MYH10: variants seen among roughly 807,000 people sequenced by gnomAD.
MYH10 encodes the protein myosin-10.
MYH10 carries 55 observed loss-of-function variants against 257.8 expected under a neutral mutation model. The observed-to-expected ratio is 0.21, with a 90% CI of 0.17 to 0.27. The LOEUF is 0.27. MYH10 is among the 10% of genes least tolerant of loss of function. The pLI, the probability that MYH10 is intolerant of heterozygous loss-of-function variation, is 1.00. For missense variants in MYH10, 1,631 were observed against 2,500.6 expected (o/e 0.65, Z 7.42); for synonymous variants, 854 against 921.7 (o/e 0.93, Z 1.33).
chr17:8,624,916 G>C (rs911963810), intron 1 of MYH10, among the ~76,000 whole-genome samples: 5 of 152,174 alleles, frequency 3.3e-5, no homozygotes, highest in African/African-American at 1.2e-4. Context: ...TTAGCCAGGC[G>C]TGTTGGTGCA....
At position 8,535,544 on chromosome 17, in the gene MYH10, A is replaced by G. The variant is rs754726133; in HGVS notation, c.1780-43T>C. ...CAAAAGTGGTGAAATGGAGAACACAAAACCAAATGCAAAAACAAAAACACT... is the reference window on the plus strand; with the variant it reads ...CAAAAGTGGTGAAATGGAGAACACAGAACCAAATGCAAAAACAAAAACACT... On this transcript the variant is annotated intron_variant, in intron 15 of 42. Coordinates refer to ENST00000360416, the MANE Select transcript of MYH10 (RefSeq NM_001256012.3). This position sits in a 1 kb window ranked among gnomAD's most constrained non-coding sequence, Gnocchi z 4.3. 6.6e-7 allele frequency: 1 copy of G among 1,525,292 alleles called. No homozygotes were observed. Among genetic ancestry groups the G allele is most frequent in the Non-Finnish European group, 9.0e-7 (1 of 1,115,986 alleles). 94.5% of individuals were successfully genotyped at this position (1,525,292 alleles called of 1,614,324 possible). A position where few individuals can be genotyped will look rare whatever the true frequency, so the allele number is the denominator to read the frequency against.
chr17:8,518,263 A>G (rs748681500), intron 21 of MYH10, among the ~76,000 whole-genome samples: 2 of 151,960 alleles, frequency 1.3e-5, no homozygotes, highest in Non-Finnish European at 1.5e-5. Context: ...TCCCACAGGT[A>G]GCTGGGACTA....
At position 8,592,938 on chromosome 17, in the gene MYH10, T is replaced by C. The variant is rs866159938; in HGVS notation, c.503-3830A>G. On this transcript the variant is annotated intron_variant, in intron 3 of 42. Coordinates refer to ENST00000360416, the MANE Select transcript of MYH10 (RefSeq NM_001256012.3). ...TGTTGGTAAATCAAATCCAGCTATA[T>C]ATATATATATATATATATATATATA... Among the ~76,000 whole-genome samples, 584 of 81,186 alleles carry C rather than the reference T, an allele frequency of 7.2e-3. 66 individuals are homozygous for C. Among genetic ancestry groups the C allele is most frequent in the Non-Finnish European group, 8.9e-3 (369 of 41,624 alleles). 53.3% of individuals were successfully genotyped at this position (81,186 alleles called of 152,430 possible). A position where few individuals can be genotyped will look rare whatever the true frequency, so the allele number is the denominator to read the frequency against.
At chr17:8,522,873 T>C (rs913764541) in intron 17 of MYH10, among the ~76,000 whole-genome samples, 1 of 152,206 alleles carries the variant, frequency 6.6e-6, no homozygotes, top group Non-Finnish European at 1.5e-5. Flanking sequence ...CTGGTACGTT[T>C]ACCTGGTGAT....
Position 8,530,655 on chromosome 17 carries a change from T to A in MYH10, c.1925A>T (p.Tyr642Phe). ...CTCATGAAGACCAGAAACACTGTCA[T>A]AGAAAGAAGCTCTCTGAATATTCTG... ...EIQNIQRASF[Y>F]DSVSGLHEPP... The change falls in exon 17 of 43, where the codon TAT becomes TTT. Residue 642 changes from tyrosine to phenylalanine, a missense_variant. Physicochemically the swap from Tyr to Phe is conservative, Grantham distance 22 (BLOSUM62 3). Coordinates refer to ENST00000360416, the MANE Select transcript of MYH10 (RefSeq NM_001256012.3). 1 of 1,548,012 alleles carries A rather than the reference T, an allele frequency of 6.5e-7. No homozygotes were observed. Among genetic ancestry groups the A allele is most frequent in the Non-Finnish European group, 8.7e-7 (1 of 1,145,620 alleles).
chr17:8,523,204 T>G (rs2081715868), intron 17 of MYH10, among the ~76,000 whole-genome samples: 1 of 152,160 alleles, frequency 6.6e-6, no homozygotes, highest in African/African-American at 2.4e-5. Context: ...TGTTCTACTC[T>G]CCACTCAGAT....
At chr17:8,626,578 A>AATAATAAT (rs1284109448) in intron 1 of MYH10, among the ~76,000 whole-genome samples, 1 of 140,190 alleles carries the variant, frequency 7.1e-6, no homozygotes, top group African/African-American at 2.7e-5. Context: ...AAATAATAAT[A>AATAATAAT]AATAATAATA....
chr17:8,601,942 A>G lies in MYH10; in HGVS notation c.502+2884T>C, dbSNP rs574988000. On this transcript the variant is annotated intron_variant, in intron 3 of 42. Transcript: ENST00000360416. ...GTTTGTGCATGATATGAAACTAGGA[A>G]GGATGATAAATACATTTCATGCAAG... Among the ~76,000 whole-genome samples, 12 of 152,060 alleles carry G rather than the reference A, an allele frequency of 7.9e-5. 1 individual carries two copies. The South Asian group carries it at 2.5e-3, about 32-fold the overall frequency.
chr17:8,556,279 G>A (rs1234977872), intron 7 of MYH10, among the ~76,000 whole-genome samples: 3 of 152,188 alleles, frequency 2.0e-5, no homozygotes, highest in Non-Finnish European at 4.4e-5. Flanking sequence ...TTTCACCCAC[G>A]AGAAAGGAAT....
At position 8,623,253 on chromosome 17, in the gene MYH10, T is replaced by C. The variant is rs369781639; in HGVS notation, c.-7A>G. ...GTCCAGTTCTCTGCGCCATTGTAAATGGAACGATCCAAAAGCAATTGCCTC... is the reference window on the plus strand; with the variant it reads ...GTCCAGTTCTCTGCGCCATTGTAAACGGAACGATCCAAAAGCAATTGCCTC... On this transcript the variant is annotated 5_prime_UTR_variant, in exon 2 of 43. Coordinates refer to ENST00000360416, the MANE Select transcript of MYH10 (RefSeq NM_001256012.3). 13 of 1,564,774 alleles carry C rather than the reference T, an allele frequency of 8.3e-6. No homozygotes were observed. The African/African-American group carries it at 1.5e-4, about 18-fold the overall frequency.
At chr17:8,604,075 T>C (rs915794663) in intron 3 of MYH10, among the ~76,000 whole-genome samples, 2 of 152,076 alleles carry the variant, frequency 1.3e-5, no homozygotes, top group Non-Finnish European at 2.9e-5. Flanking sequence ...TTTCTGAAGA[T>C]TGTGGAACGA....
intron 7 of MYH10, among the ~76,000 whole-genome samples, chr17:8,567,350 AT>A (rs1317892818): frequency 6.6e-6 from 1 of 152,224 alleles, no homozygotes; most frequent in Non-Finnish European, 1.5e-5. Flanking sequence ...ATGAACTTGG[AT>A]TAAGTGAATC....
At chr17:8,492,548 C>G (rs752650401) in intron 33 of MYH10, 39 bp from the exon 34 acceptor site, 8 of 1,565,848 alleles carry the variant, frequency 5.1e-6, no homozygotes, top group Non-Finnish European at 6.9e-6. Flanking sequence ...AAAACCGAAA[C>G]AGTGACATCA....
At chr17:8,484,042 T>C in intron 37 of MYH10, 96 bp downstream of exon 37, 1 of 1,184,652 alleles carries the variant, frequency 8.4e-7, no homozygotes, top group African/African-American at 1.6e-5. Context: ...ATACTGACAT[T>C]ACAGTGGGCT....
At chr17:8,509,288 G>T (rs1428883055) in intron 25 of MYH10, among the ~76,000 whole-genome samples, 1 of 152,182 alleles carries the variant, frequency 6.6e-6, no homozygotes, top group Non-Finnish European at 1.5e-5. Context: ...TCAGCCCAGC[G>T]TCTGGTCTAG....
intron 28 of MYH10, among the ~76,000 whole-genome samples, chr17:8,502,992 TG>T (rs1437804072): frequency 6.6e-6 from 1 of 152,168 alleles, no homozygotes; most frequent in Non-Finnish European, 1.5e-5. Flanking sequence ...TCTGCTGAAG[TG>T]GGGTAAGGGC....
chr17:8,546,497 G>T, intron 12 of MYH10, 47 bp downstream of exon 12: 1 of 1,487,146 alleles, frequency 6.7e-7, no homozygotes, highest in Non-Finnish European at 9.4e-7. Context: ...AATGGCCATG[G>T]CTTATCATTC....
chr17:8,608,364 G>A (rs2084891618), intron 2 of MYH10, among the ~76,000 whole-genome samples: 1 of 152,198 alleles, frequency 6.6e-6, no homozygotes, highest in Non-Finnish European at 1.5e-5. Context: ...AAACAGAGAA[G>A]GCCGGGACTT....
intron 3 of MYH10, among the ~76,000 whole-genome samples, chr17:8,590,406 C>T (rs1299169035): frequency 6.6e-6 from 1 of 151,884 alleles, no homozygotes; most frequent in African/African-American, 2.4e-5. Flanking sequence ...TCCGTCTCCT[C>T]GGCTCAAGTA....
Sources: allele counts gnomAD v4.1 joint callset (sites outside exome capture counted in the v4.1 genomes callset), GRCh38; gene constraint gnomAD v4.1.1; non-coding constraint Gnocchi (gnomAD v3.1); transcripts MANE v1.5; gene names NCBI Gene and HGNC (gene_info 2026-07-23, HGNC 2026-07-21).